The following PARD3 variants were observed in gnomAD, a reference collection of about 807,000 sequenced individuals.
The protein encoded by PARD3 is partitioning defective 3 homolog.
In PARD3, 75 loss-of-function variants were observed where a neutral mutation model predicts 155.4. The ratio of observed to expected loss-of-function variants is 0.48; its 90% confidence interval spans 0.40 to 0.58. The LOEUF is 0.58. Among genes scored for constraint, PARD3 ranks in the 20% least tolerant of loss-of-function variants. The pLI is 0.00. For missense variants in PARD3, 1,642 were observed against 1,721.7 expected (o/e 0.95, Z 0.82); for synonymous variants, 576 against 610.5 (o/e 0.94, Z 0.83).
At position 34,798,095 on chromosome 10, in the gene PARD3, G is replaced by A. The variant is rs74621148; in HGVS notation, c.120+16781C>T. 7.0e-4 allele frequency among the ~76,000 whole-genome samples: 107 copies of A among 152,066 alleles called. No individual in the cohort carries two copies. In the East Asian group the frequency reaches 0.016, roughly 23 times the overall value. ...AGTGTTATGGGAGGCTGAGGCAAGA[G>A]GATCACTTGAGACCAAAAGTTCAAG... is the stretch of plus-strand genomic sequence containing the variant. On this transcript the variant is annotated intron_variant, in intron 1 of 24. Transcript: ENST00000374788.
intron 4 of PARD3, among the ~76,000 whole-genome samples, chr10:34,458,122 T>A (rs1589648746): frequency 6.6e-6 from 1 of 152,246 alleles, no homozygotes; most frequent in Admixed American, 6.5e-5. Flanking sequence ...TATACAGTGT[T>A]ACGAATAATC....
chr10:34,254,409 A>C (rs1268980300), intron 22 of PARD3, among the ~76,000 whole-genome samples: 2 of 151,868 alleles, frequency 1.3e-5, no homozygotes, highest in African/African-American at 4.8e-5. Flanking sequence ...AAACAAAAAC[A>C]AACAAAAAAA....
At chr10:34,537,539 A>T (rs2083307807) in intron 2 of PARD3, among the ~76,000 whole-genome samples, 1 of 152,180 alleles carries the variant, frequency 6.6e-6, no homozygotes, top group Non-Finnish European at 1.5e-5. Flanking sequence ...CCTTGACTAC[A>T]CTGGGGTCCA....
chr10:34,249,764 T>G (rs1445445232), intron 22 of PARD3, among the ~76,000 whole-genome samples: 1 of 152,090 alleles, frequency 6.6e-6, no homozygotes, highest in Non-Finnish European at 1.5e-5. Flanking sequence ...TGCACAAGCA[T>G]CCTATTAATC....
At chr10:34,695,427 G>A (rs1333564978) in intron 2 of PARD3, among the ~76,000 whole-genome samples, 2 of 143,074 alleles carry the variant, frequency 1.4e-5, no homozygotes, top group Middle Eastern at 4.2e-3. Flanking sequence ...GTGAGCAGCC[G>A]AGATCACGCC....
chr10:34,253,092 G>T (rs1332047211), intron 22 of PARD3, among the ~76,000 whole-genome samples: 1 of 152,160 alleles, frequency 6.6e-6, no homozygotes, highest in Non-Finnish European at 1.5e-5. Context: ...GAAACTGTGG[G>T]AGTAGGTTTT....
At chr10:34,500,208 G>A (rs1170968768) in intron 3 of PARD3, among the ~76,000 whole-genome samples, 1 of 152,196 alleles carries the variant, frequency 6.6e-6, no homozygotes, top group Non-Finnish European at 1.5e-5. Flanking sequence ...AGGTCTGGAA[G>A]AAGCTACAAA....
intron 2 of PARD3, among the ~76,000 whole-genome samples, chr10:34,663,398 G>A (rs374451326): frequency 1.3e-5 from 2 of 151,908 alleles, no homozygotes; most frequent in Non-Finnish European, 2.9e-5. Context: ...CTCGGGAGGC[G>A]GAGATTGCAG....
chr10:34,164,316 A>G (rs900179384), intron 22 of PARD3, among the ~76,000 whole-genome samples: 1 of 152,250 alleles, frequency 6.6e-6, no homozygotes, highest in Non-Finnish European at 1.5e-5. Flanking sequence ...CATGTGCACC[A>G]TGTACTTCTG....
In PARD3 at chr10:34,382,783, T is replaced by G. The variant is rs997065871; in HGVS notation, c.1156A>C (p.Ser386Arg). 6.8e-6 allele frequency: 11 copies of G among 1,614,080 alleles called. No individual in the cohort carries two copies. The Admixed American group carries it at 1.5e-4, about 22-fold the overall frequency. ...NYYSSRFSPD[S>R]QYIDNRSVNS... ...ACACTCCTGTTGTCAATATACTGGC[T>G]GTCAGGGCTAAAACGGCTTGAATAG... is the stretch of plus-strand genomic sequence containing the variant. The change falls in exon 9 of 25, where the codon AGC (serine) becomes CGC (arginine). Residue 386 changes from serine to arginine, a missense_variant. Around this residue, in one of 3 missense-constraint regions of PARD3, gnomAD observed 1,529 missense variants for 1,587.3 expected, o/e 0.96. Coordinates refer to ENST00000374788, the MANE Select transcript of PARD3 (RefSeq NM_001184785.2).
intron 5 of PARD3, among the ~76,000 whole-genome samples, chr10:34,448,143 G>GTGTA (rs2076855896): frequency 6.6e-6 from 1 of 151,066 alleles, no homozygotes; most frequent in South Asian, 2.1e-4. Flanking sequence ...GCGTGTGTGT[G>GTGTA]TGTGTGTGTG....
At chr10:34,173,549 T>A (rs1168748528) in intron 22 of PARD3, among the ~76,000 whole-genome samples, 1 of 152,216 alleles carries the variant, frequency 6.6e-6, no homozygotes. Flanking sequence ...CTTGTTAAGA[T>A]GAAGAATGCT....
intron 2 of PARD3, among the ~76,000 whole-genome samples, chr10:34,548,506 A>C (rs1282431100): frequency 4.6e-5 from 7 of 152,186 alleles, no homozygotes; most frequent in Non-Finnish European, 1.0e-4. Context: ...CTCAAAATAA[A>C]ATAAACTAAT....
chr10:34,367,163 T>G (rs1840044674), intron 12 of PARD3, among the ~76,000 whole-genome samples: 1 of 152,134 alleles, frequency 6.6e-6, no homozygotes, highest in Non-Finnish European at 1.5e-5. Context: ...CTTCAAAAAT[T>G]AAAAATTTGC....
intron 2 of PARD3, among the ~76,000 whole-genome samples, chr10:34,542,304 G>A (rs1326248242): frequency 6.6e-6 from 1 of 150,952 alleles, no homozygotes; most frequent in Non-Finnish European, 1.5e-5. Flanking sequence ...TTACTCTAGC[G>A]TAGTGATTCT....
At chr10:34,239,135 G>T (rs560011781) in intron 22 of PARD3, among the ~76,000 whole-genome samples, 1 of 152,136 alleles carries the variant, frequency 6.6e-6, no homozygotes, top group African/African-American at 2.4e-5. Flanking sequence ...AAGTTAAATC[G>T]AACATTTTAT....
At chr10:34,561,434 T>C (rs985691162) in intron 2 of PARD3, among the ~76,000 whole-genome samples, 6 of 152,180 alleles carry the variant, frequency 3.9e-5, no homozygotes, top group African/African-American at 1.4e-4. Context: ...TCATTAAAAC[T>C]GGGTACAGCA....
Position 34,764,126 on chromosome 10 carries a change from C to A in PARD3, c.120+50750G>T, listed in dbSNP as rs191860264. The stretch of plus-strand genomic sequence containing the variant: ...CTGCATGCTAGTTGGGAAGATGACC[C>A]AGGCACTGGTCATATATTATTGCAG... On this transcript the variant is annotated intron_variant, in intron 1 of 24. Coordinates refer to ENST00000374788, the MANE Select transcript of PARD3 (RefSeq NM_001184785.2). Among the ~76,000 whole-genome samples the A allele has an allele frequency of 2.7e-4, 41 of 152,292 alleles. 1 individual carries two copies. The highest frequency in any genetic ancestry group is 2.2e-3 in the Admixed American group (34 of 15,288).
intron 18 of PARD3, among the ~76,000 whole-genome samples, chr10:34,333,984 T>C (rs932385505): frequency 1.3e-5 from 2 of 151,932 alleles, no homozygotes; most frequent in Admixed American, 6.6e-5. Context: ...ACAAACAGCA[T>C]TTTACTAGTA....
Sources: gnomAD v4.1 joint callset for allele counts (sites outside exome capture counted in the v4.1 genomes callset) on GRCh38, gnomAD v4.1.1 for gene constraint, gnomAD v4.1.1 regional missense constraint, MANE v1.5 for transcripts, NCBI Gene and HGNC (gene_info 2026-07-23, HGNC 2026-07-21) for gene names.